POLR1A: variants seen among roughly 807,000 people sequenced by gnomAD.
The protein encoded by POLR1A is RNA polymerase I subunit A, also known as DNA-directed RNA polymerase I subunit RPA1.
In POLR1A, 84 loss-of-function variants were observed where a neutral mutation model predicts 205.3. The observed-to-expected ratio is 0.41, with a 90% confidence interval of 0.34 to 0.49. The LOEUF is 0.49. Ranked by LOEUF, POLR1A falls within the 20% of genes least tolerant of loss-of-function variation. The pLI is 0.22. For missense variants in POLR1A, 1,645 were observed against 2,204.5 expected, an observed-to-expected ratio of 0.75 and a Z score of 5.08; for synonymous variants, 799 against 863.7, an observed-to-expected ratio of 0.93 and a Z score of 1.31.
chr2:86,035,312 C>T (rs1045260247), intron 27 of POLR1A, among the ~76,000 whole-genome samples: 2 of 152,188 alleles, frequency 1.3e-5, no homozygotes, highest in African/African-American at 2.4e-5. Flanking sequence ...GAGAGAAGGC[C>T]GGGCTTGACT....
rs1672228195 is a variant in POLR1A, at chr2:86,025,780, G to C, written c.*1643C>G. On this transcript the variant is annotated 3_prime_UTR_variant, in exon 34 of 34. Transcript: ENST00000263857. Reference sequence around the variant, plus strand: ...CTAGTGTGTGTAGAAATCATCAAGTGAATATGGCCTTTAACTCAAAGAATG... The same window carrying C: ...CTAGTGTGTGTAGAAATCATCAAGTCAATATGGCCTTTAACTCAAAGAATG... The C allele has an allele frequency of 6.6e-6, 1 of 152,228 alleles. No homozygotes were observed. The highest frequency in any genetic ancestry group is 6.5e-5 in the Admixed American group (1 of 15,294). 9.4% of individuals were successfully genotyped at this position (152,228 alleles called of 1,614,324 possible).
chr2:86,031,252 C>T, intron 30 of POLR1A, 78 bp downstream of exon 30: 2 of 1,493,790 alleles, frequency 1.3e-6, no homozygotes, highest in Non-Finnish European at 1.8e-6. Flanking sequence ...TGCAGGGGAG[C>T]TCAGCAGGCC....
At chr2:86,038,194 G>A (rs992062320) in intron 27 of POLR1A, among the ~76,000 whole-genome samples, 2 of 152,180 alleles carry the variant, frequency 1.3e-5, no homozygotes, top group Non-Finnish European at 2.9e-5. Flanking sequence ...ACAGGAACTC[G>A]AATTTCTCTG....
chr2:86,096,726 A>C (rs761806537), intron 3 of POLR1A, among the ~76,000 whole-genome samples: 3 of 152,164 alleles, frequency 2.0e-5, no homozygotes, highest in Non-Finnish European at 4.4e-5. Context: ...ATCCATATGC[A>C]GAAGAATGAA....
intron 30 of POLR1A, among the ~76,000 whole-genome samples, chr2:86,030,698 T>A (rs1330865816): frequency 2.0e-5 from 3 of 152,212 alleles, no homozygotes; most frequent in African/African-American, 7.2e-5. Context: ...CAAGGCAGGG[T>A]ACACGTTGTT....
chr2:86,076,023 G>A (rs1240098642), intron 11 of POLR1A, among the ~76,000 whole-genome samples: 2 of 152,132 alleles, frequency 1.3e-5, no homozygotes, highest in African/African-American at 4.8e-5. Flanking sequence ...CACAGTTCTG[G>A]CAGCCATTAC....
At position 86,078,172 on chromosome 2, in the gene POLR1A, A is replaced by G; in HGVS notation, c.1199T>C (p.Ile400Thr). 1 of 1,613,554 alleles carries G rather than the reference A, an allele frequency of 6.2e-7. No homozygotes were observed. Among genetic ancestry groups the G allele is most frequent in the Non-Finnish European group, 8.5e-7 (1 of 1,179,936 alleles). ...IWIRLQSHVN[I>T]VFDSEMDKLM... ...TTTGTCCATCTCGCTATCAAACACA[A>G]TATTGACGTGGCTCTGAAGGCGAAT... Residue 400 changes from isoleucine to threonine, a missense_variant, in exon 10 of 34, where the codon ATT becomes ACT. Ile to Thr is a moderately conservative substitution (Grantham distance 89). This residue lies in a region of POLR1A where 131 missense variants were observed against 214.5 expected (regional missense o/e 0.61). Coordinates refer to ENST00000263857, the MANE Select transcript of POLR1A (RefSeq NM_015425.6).
At chr2:86,051,325 C>A (rs1672798987) in intron 16 of POLR1A, among the ~76,000 whole-genome samples, 1 of 150,298 alleles carries the variant, frequency 6.7e-6, no homozygotes, top group Non-Finnish European at 1.5e-5. Context: ...TTATCTCTGA[C>A]AAATGCATGC....
intron 27 of POLR1A, among the ~76,000 whole-genome samples, chr2:86,034,430 T>G (rs1573802521): frequency 6.6e-6 from 1 of 152,318 alleles, no homozygotes; most frequent in East Asian, 1.9e-4. Flanking sequence ...CTTGTGGCAA[T>G]GAATCGTGTC....
At chr2:86,032,198 G>A (rs1054456125) in intron 29 of POLR1A, 74 bp downstream of exon 29, 3 of 1,040,130 alleles carry the variant, frequency 2.9e-6, no homozygotes, top group East Asian at 4.7e-5. Context: ...CTGGGTGCCG[G>A]GAGATAATCC....
intron 15 of POLR1A, 127 bp from the exon 16 acceptor site, chr2:86,053,127 A>C (rs1672835737): frequency 2.0e-6 from 1 of 494,576 alleles, no homozygotes; most frequent in Non-Finnish European, 3.4e-6. Context: ...AGAATCCTTC[A>C]TGGAAAAAAG....
At chr2:86,078,036 A>C in intron 10 of POLR1A, 55 bp from the exon 11 acceptor site, 3 of 1,612,858 alleles carry the variant, frequency 1.9e-6, no homozygotes, top group South Asian at 1.1e-5. Context: ...CAGTAGGCTT[A>C]TTAGTTTCTT....
In POLR1A at chr2:86,078,103, T is replaced by G; in HGVS notation, c.1257+11A>C. 2 of 1,612,942 alleles carry G rather than the reference T, an allele frequency of 1.2e-6. No homozygotes were observed. Among genetic ancestry groups the G allele is most frequent in the Non-Finnish European group, 8.5e-7 (1 of 1,179,780 alleles). On this transcript the variant is annotated intron_variant, in intron 10 of 33. Coordinates refer to ENST00000263857, the MANE Select transcript of POLR1A (RefSeq NM_015425.6). Reference sequence around the variant, plus strand: ...CTGTAGCTAGCAATGGGAATCCAGTTTTTTGCTCACCTGCCTAATGCCTGG... The same window carrying G: ...CTGTAGCTAGCAATGGGAATCCAGTGTTTTGCTCACCTGCCTAATGCCTGG...
intron 3 of POLR1A, among the ~76,000 whole-genome samples, chr2:86,094,597 T>C (rs1673673174): frequency 6.6e-6 from 1 of 152,236 alleles, no homozygotes; most frequent in Non-Finnish European, 1.5e-5. Context: ...CTGAGCCCTT[T>C]CAGGGACAGG....
At position 86,105,781 on chromosome 2, in the gene POLR1A, C is replaced by T; in HGVS notation, c.-5G>A. Reference sequence around the variant, plus strand: ...CATGTTCTTGGAGATCAACATCCTCCAGGTCCGTTTTGAATTCCGACACCC... The same window carrying T: ...CATGTTCTTGGAGATCAACATCCTCTAGGTCCGTTTTGAATTCCGACACCC... On this transcript the variant is annotated 5_prime_UTR_variant, in exon 1 of 34. Coordinates refer to ENST00000263857, the MANE Select transcript of POLR1A (RefSeq NM_015425.6). The T allele has an allele frequency of 6.2e-7, 1 of 1,613,596 alleles. No homozygotes were observed. The highest frequency in any genetic ancestry group is 8.5e-7 in the Non-Finnish European group (1 of 1,179,458).
chr2:86,043,287 C>T (rs1672651360), intron 22 of POLR1A, 92 bp from the exon 23 acceptor site: 3 of 1,026,366 alleles, frequency 2.9e-6, no homozygotes, highest in Non-Finnish European at 4.5e-6. Context: ...AGCACAAATT[C>T]AGGGGACCCA....
At position 86,100,249 on chromosome 2, in the gene POLR1A, T is replaced by C. The variant is rs960701383; in HGVS notation, c.78-77A>G. On this transcript the variant is annotated intron_variant, in intron 1 of 33. Coordinates refer to ENST00000263857, the MANE Select transcript of POLR1A (RefSeq NM_015425.6). Reference sequence around the variant, plus strand: ...ATGTTTCCTTTCCAGCACAAACCTATAGTTAAGTGATTATTTAATGCCTGC... The same window carrying C: ...ATGTTTCCTTTCCAGCACAAACCTACAGTTAAGTGATTATTTAATGCCTGC... 1.6e-5 allele frequency: 18 copies of C among 1,100,168 alleles called. No homozygotes were observed. The East Asian group carries it at 3.1e-4, about 19-fold the overall frequency. The allele number at this position is 1,100,168 out of a possible 1,614,324, so 68.2% of individuals were successfully genotyped here.
intron 14 of POLR1A, among the ~76,000 whole-genome samples, chr2:86,059,087 CA>C (rs1204246772): frequency 6.6e-6 from 1 of 152,158 alleles, no homozygotes; most frequent in Admixed American, 6.5e-5. Flanking sequence ...AATAGAGGGA[CA>C]GTTAAGTCAT....
chr2:86,046,729 G>A (rs566508308), intron 19 of POLR1A, among the ~76,000 whole-genome samples: 3 of 151,796 alleles, frequency 2.0e-5, no homozygotes, highest in African/African-American at 4.8e-5. Context: ...CTGTAATCCC[G>A]AGAGGCAGGA....
Sources: gnomAD v4.1 joint callset for allele counts (sites outside exome capture counted in the v4.1 genomes callset) on GRCh38, gnomAD v4.1.1 for gene constraint, gnomAD v4.1.1 regional missense constraint, MANE v1.5 for transcripts, NCBI Gene and HGNC (gene_info 2026-07-23, HGNC 2026-07-21) for gene names.